Variants in ZNF765 observed in about 807,000 individuals in gnomAD.
The protein encoded by ZNF765 is zinc finger protein 765.
Under a neutral mutation model 44.7 loss-of-function variants are expected in ZNF765, and 37 were observed. The observed-to-expected ratio is 0.83, with a 90% CI of 0.64 to 1.09. The LOEUF is 1.09. ZNF765 is among the 50% of genes least tolerant of loss of function. The pLI, the probability that ZNF765 is intolerant of heterozygous loss-of-function variation, is 0.00. For missense variants in ZNF765, 594 were observed against 626.1 expected, an observed-to-expected ratio of 0.95 and a Z score of 0.55; for synonymous variants, 201 against 213.7, an observed-to-expected ratio of 0.94 and a Z score of 0.52.
At position 53,408,984 on chromosome 19, in the gene ZNF765, C is replaced by T. The variant is rs780831643; in HGVS notation, c.1429C>T (p.Arg477Trp). 41 of 1,603,538 alleles carry T rather than the reference C, an allele frequency of 2.6e-5. No individual in the cohort carries two copies. The Middle Eastern group carries it at 5.0e-4, about 19-fold the overall frequency. ...KCNECGKTFS[R>W]TSSLTYHHRL... ...TAATGAGTGTGGCAAGACCTTCAGCCGGACGTCATCCCTTACATACCATCA... is the reference window on the plus strand; with the variant it reads ...TAATGAGTGTGGCAAGACCTTCAGCTGGACGTCATCCCTTACATACCATCA... Residue 477 changes from arginine (R) to tryptophan (W), a missense_variant, in exon 4 of 4, where the codon CGG becomes TGG. Around this residue, in one of 2 missense-constraint regions of ZNF765, gnomAD observed 567 missense variants for 572.6 expected, o/e 0.99. Coordinates refer to ENST00000396408, the MANE Select transcript of ZNF765 (RefSeq NM_001040185.3).
Position 53,409,096 on chromosome 19 carries a change from G to T in ZNF765, c.1541G>T (p.Arg514Ile). 1.2e-6 allele frequency: 2 copies of T among 1,613,624 alleles called. No individual in the cohort carries two copies. Among genetic ancestry groups the T allele is most frequent in the South Asian group, 1.1e-5 (1 of 91,056 alleles). Residue 514 changes from arginine to isoleucine, a missense_variant, in exon 4 of 4, where the codon AGA becomes ATA. Coordinates refer to ENST00000396408, the MANE Select transcript of ZNF765 (RefSeq NM_001040185.3). ...AAATCAAACCTTGAAAGACATAGGAGAATTTATACTGGAGAGAAACTACAC... is the reference window on the plus strand; with the variant it reads ...AAATCAAACCTTGAAAGACATAGGATAATTTATACTGGAGAGAAACTACAC... Reference protein sequence around the residue: ...SFKSNLERHRRIYTGEKLHV With the variant: ...SFKSNLERHRIIYTGEKLHV
downstream of ZNF765, among the ~76,000 whole-genome samples, chr19:53,414,024 T>C (rs1265554955): frequency 6.7e-6 from 1 of 149,526 alleles, no homozygotes; most frequent in Non-Finnish European, 1.5e-5. Context: ...GCGGATCACC[T>C]GAGGTTGGGA....
At chr19:53,399,750 C>T (rs1239677540) in intron 2 of ZNF765, among the ~76,000 whole-genome samples, 4 of 152,014 alleles carry the variant, frequency 2.6e-5, no homozygotes, top group Admixed American at 1.3e-4. Flanking sequence ...CTAGGGTCAT[C>T]GGGGTTTGTT....
intron 1 of ZNF765, among the ~76,000 whole-genome samples, 178 bp downstream of exon 1, chr19:53,395,371 CT>C (rs2085656768): frequency 6.6e-6 from 1 of 152,168 alleles, no homozygotes; most frequent in Non-Finnish European, 1.5e-5. Flanking sequence ...TAAGGTCCCC[CT>C]GAGGCTGGTC....
chr19:53,406,572 C>G (rs1233047246), intron 3 of ZNF765, among the ~76,000 whole-genome samples: 2 of 152,098 alleles, frequency 1.3e-5, no homozygotes, highest in African/African-American at 4.8e-5. Context: ...GTACATGAGG[C>G]TTTTCGGTAT....
At chr19:53,417,198 G>T (rs920383027) in intron 3 of ZNF765, among the ~76,000 whole-genome samples, 1 of 152,100 alleles carries the variant, frequency 6.6e-6, no homozygotes, top group African/African-American at 2.4e-5. Flanking sequence ...TGTGTCATGG[G>T]AGTTTGTTGT....
chr19:53,410,110 G>A lies in ZNF765; in HGVS notation c.*983G>A. 1 of 447,948 alleles carries A rather than the reference G, an allele frequency of 2.2e-6. No individual in the cohort carries two copies. Among genetic ancestry groups the A allele is most frequent in the Admixed American group, 2.6e-5 (1 of 38,734 alleles). 27.7% of individuals were successfully genotyped at this position (447,948 alleles called of 1,614,324 possible). On this transcript the variant is annotated 3_prime_UTR_variant, in exon 4 of 4. Transcript: ENST00000396408. Reference sequence around the variant, plus strand: ...ACCTTACAAATGTGAAGAATGTGATGAAGCTTTCAGATTCAAATCAAACCT... The same window carrying A: ...ACCTTACAAATGTGAAGAATGTGATAAAGCTTTCAGATTCAAATCAAACCT...
In ZNF765 at chr19:53,408,321, C is replaced by T. The variant is rs776066046; in HGVS notation, c.766C>T (p.Arg256Ter). 16 of 1,614,034 alleles carry T rather than the reference C, an allele frequency of 9.9e-6. No individual in the cohort carries two copies. The highest frequency in any genetic ancestry group is 4.5e-5 in the East Asian group (2 of 44,892). ...DICGKVFNSK[R>*]YVARHRRCHT... ...ATGTGGCAAGGTCTTTAATTCGAAG[C>T]GATACGTTGCACGCCATCGTAGATG... is the stretch of plus-strand genomic sequence containing the variant. Residue 256 changes from arginine to a stop codon, truncating the protein, a stop_gained, in exon 4 of 4, where the codon CGA becomes TGA. Transcript: ENST00000396408. LOFTEE classifies it high-confidence loss of function.
At chr19:53,400,625 A>G (rs1403047753) in intron 2 of ZNF765, among the ~76,000 whole-genome samples, 5 of 152,048 alleles carry the variant, frequency 3.3e-5, no homozygotes, top group Non-Finnish European at 7.4e-5. Context: ...ATACACATAT[A>G]CATATACATA....
At chr19:53,417,976 CCT>C (rs1294617427) in intron 3 of ZNF765, among the ~76,000 whole-genome samples, 1 of 152,110 alleles carries the variant, frequency 6.6e-6, no homozygotes, top group Admixed American at 6.6e-5. Flanking sequence ...CTTGTGAGAC[CCT>C]CTCTGCCTCC....
chr19:53,417,356 T>A (rs2085881373), intron 3 of ZNF765, among the ~76,000 whole-genome samples: 1 of 152,120 alleles, frequency 6.6e-6, no homozygotes, highest in Admixed American at 6.5e-5. Flanking sequence ...TTTACCTCCC[T>A]CTTATAAGTG....
chr19:53,397,526 C>T lies in ZNF765; in HGVS notation c.-73-417C>T, dbSNP rs141756486. 9.9e-4 allele frequency among the ~76,000 whole-genome samples: 151 copies of T among 152,292 alleles called. 1 individual carries two copies. The highest frequency in any genetic ancestry group is 2.6e-3 in the African/African-American group (109 of 41,558). ...GTAACTGGGACCACAGACACACAGACGTGCACAACCATGCCTGGCTAAGTT... is the reference window on the plus strand; with the variant it reads ...GTAACTGGGACCACAGACACACAGATGTGCACAACCATGCCTGGCTAAGTT... On this transcript the variant is annotated intron_variant, in intron 1 of 3. Transcript: ENST00000396408.
chr19:53,413,600 GTTTTTT>G (rs61360964), downstream of ZNF765, among the ~76,000 whole-genome samples: 2 of 138,808 alleles, frequency 1.4e-5, no homozygotes, highest in Non-Finnish European at 3.1e-5. Flanking sequence ...TGCTTTTTAG[GTTTTTT>G]TTTTTTTTTT....
intron 2 of ZNF765, among the ~76,000 whole-genome samples, chr19:53,399,509 A>C (rs1417091530): frequency 6.6e-6 from 1 of 152,042 alleles, no homozygotes; most frequent in Non-Finnish European, 1.5e-5. Flanking sequence ...TAAATTGAAA[A>C]AAAAATAACT....
rs567177213 is a variant in ZNF765 at position 53,402,287 on chromosome 19, C to T, written c.142+96C>T. The T allele has an allele frequency of 1.7e-3, 2,548 of 1,493,696 alleles. 11 individuals are homozygous for T. Among genetic ancestry groups the T allele is most frequent in the Admixed American group, 1.7e-3 (75 of 43,008 alleles). 92.5% of individuals were successfully genotyped at this position (1,493,696 alleles called of 1,614,324 possible). A position where few individuals can be genotyped will look rare whatever the true frequency, so the allele number is the denominator to read the frequency against. On this transcript the variant is annotated intron_variant, in intron 3 of 3. Transcript: ENST00000396408. The stretch of plus-strand genomic sequence containing the variant: ...TTTTTTTTTTTTTGAGATGGAGTCT[C>T]GCTCTGTCGCCCAGGCTGGAGTGCT...
In ZNF765 at chr19:53,408,975, A is replaced by T; in HGVS notation, c.1420A>T (p.Thr474Ser). 1 of 1,604,128 alleles carries T rather than the reference A, an allele frequency of 6.2e-7. No individual in the cohort carries two copies. Among genetic ancestry groups the T allele is most frequent in the Middle Eastern group, 1.7e-4 (1 of 6,026 alleles). Reference sequence around the variant, plus strand: ...TTACAAGTGTAATGAGTGTGGCAAGACCTTCAGCCGGACGTCATCCCTTAC... The same window carrying T: ...TTACAAGTGTAATGAGTGTGGCAAGTCCTTCAGCCGGACGTCATCCCTTAC... ...NPYKCNECGK[T>S]FSRTSSLTYH... The change falls in exon 4 of 4, where the codon ACC (threonine) becomes TCC (serine). Residue 474 changes from threonine (T) to serine (S), a missense_variant. This residue lies in a region of ZNF765 where 567 missense variants were observed against 572.6 expected (regional missense o/e 0.99). Coordinates refer to ENST00000396408, the MANE Select transcript of ZNF765 (RefSeq NM_001040185.3).
At chr19:53,400,789 C>CACAT (rs2085718213) in intron 2 of ZNF765, among the ~76,000 whole-genome samples, 1 of 17,542 alleles carries the variant, frequency 5.7e-5, no homozygotes, top group Admixed American at 4.7e-4. Context: ...TATATACACA[C>CACAT]ATACATAAAA....
Position 53,409,364 on chromosome 19 carries a change from C to T in ZNF765, c.*237C>T, listed in dbSNP as rs1254020005. On this transcript the variant is annotated 3_prime_UTR_variant, in exon 4 of 4. Coordinates refer to ENST00000396408, the MANE Select transcript of ZNF765 (RefSeq NM_001040185.3). ...ATCATAAACTTCATAGTGGAGAGAC[C>T]TTACAAATGTGAAGAATGTGAAGAA... 2.4e-6 allele frequency: 2 copies of T among 838,730 alleles called. No individual in the cohort carries two copies. The highest frequency in any genetic ancestry group is 4.2e-6 in the Non-Finnish European group (2 of 480,864). 52.0% of individuals were successfully genotyped at this position (838,730 alleles called of 1,614,324 possible).
In ZNF765 at chr19:53,407,785, A is replaced by T; in HGVS notation, c.230A>T (p.His77Leu). The T allele has an allele frequency of 6.2e-7, 1 of 1,612,304 alleles. No individual in the cohort carries two copies. Among genetic ancestry groups the T allele is most frequent in the Non-Finnish European group, 8.5e-7 (1 of 1,179,120 alleles). ...EVFHAGTSQR[H>L]ESHHNGDFCF... ...TTCCATGCAGGGACATCTCAAAGAC[A>T]TGAAAGTCATCACAATGGAGATTTT... The change falls in exon 4 of 4, where the codon CAT (histidine) becomes CTT (leucine). Residue 77 changes from histidine to leucine, a missense_variant. Physicochemically the swap from His to Leu is moderately conservative, Grantham distance 99. Coordinates refer to ENST00000396408, the MANE Select transcript of ZNF765 (RefSeq NM_001040185.3).
Sources: allele counts gnomAD v4.1 joint callset (sites outside exome capture counted in the v4.1 genomes callset), GRCh38; gene constraint gnomAD v4.1.1; regional missense constraint gnomAD v4.1.1; transcripts MANE v1.5; gene names NCBI Gene and HGNC (gene_info 2026-07-23, HGNC 2026-07-21).